Variants in GLIS3 observed in about 807,000 individuals in gnomAD.
The protein encoded by GLIS3 is GLIS family zinc finger 3.
GLIS3 carries 53 observed loss-of-function variants against 78.6 expected under a neutral mutation model. The ratio of observed to expected loss-of-function variants is 0.67; its 90% CI spans 0.54 to 0.85. GLIS3 has a LOEUF of 0.85. Among genes scored for constraint, GLIS3 ranks in the 40% least tolerant of loss-of-function variants. The pLI, the probability that GLIS3 is intolerant of heterozygous loss-of-function variation, is 0.00. For missense variants in GLIS3, 1,703 were observed against 1,231.1 expected (o/e 1.38, Z -5.74); for synonymous variants, 684 against 509.9 (o/e 1.34, Z -4.60).
chr9:3,903,117 CT>C (rs1190730573), intron 6 of GLIS3, among the ~76,000 whole-genome samples: 1 of 152,140 alleles, frequency 6.6e-6, no homozygotes, highest in Admixed American at 6.6e-5. Context: ...ACATCTGGAC[CT>C]TAAAAGTTTA....
At chr9:3,996,481 T>C (rs905404585) in intron 4 of GLIS3, among the ~76,000 whole-genome samples, 3 of 152,208 alleles carry the variant, frequency 2.0e-5, no homozygotes, top group Non-Finnish European at 4.4e-5. Flanking sequence ...AAGGTAAAGA[T>C]ACTGATTAAC....
At chr9:4,416,273 A>T in the GLIS3 span, among the ~76,000 whole-genome samples, 2 of 149,128 alleles carry the variant, frequency 1.3e-5, no homozygotes, top group African/African-American at 4.9e-5. Context: ...AAAAAAAAAA[A>T]AAAAAAGCAT....
the GLIS3 span, among the ~76,000 whole-genome samples, chr9:4,382,039 T>C: frequency 1.3e-5 from 2 of 152,218 alleles, no homozygotes; most frequent in African/African-American, 4.8e-5. Context: ...TTCCTAAGGC[T>C]GGTAGCCGCT....
chr9:4,054,249 C>T, intron 4 of GLIS3: 3 of 764,990 alleles, frequency 3.9e-6, no homozygotes, highest in South Asian at 5.9e-5. Flanking sequence ...GAGATCTCAT[C>T]CTTCACGGTC....
chr9:4,235,505 G>A (rs1325165164), intron 2 of GLIS3, among the ~76,000 whole-genome samples: 1 of 152,146 alleles, frequency 6.6e-6, no homozygotes, highest in African/African-American at 2.4e-5. Flanking sequence ...TTCTTGCAGT[G>A]ATTTAGTCCT....
At chr9:3,830,959 T>TA (rs1413496292) in intron 9 of GLIS3, among the ~76,000 whole-genome samples, 1 of 152,180 alleles carries the variant, frequency 6.6e-6, no homozygotes, top group East Asian at 1.9e-4. Flanking sequence ...CTGGGAGGCC[T>TA]ATTCTATGGT....
upstream of GLIS3, among the ~76,000 whole-genome samples, chr9:4,303,012 G>C (rs1817131663): frequency 6.6e-6 from 1 of 152,170 alleles, no homozygotes; most frequent in Non-Finnish European, 1.5e-5. Flanking sequence ...CTCAAAGCTA[G>C]AGTACAAAAT....
rs34499061 is a variant in GLIS3, at chr9:4,096,009, C to CA, written c.1710+21758dup. On this transcript the variant is annotated intron_variant, in intron 4 of 10. Coordinates refer to ENST00000381971, the MANE Select transcript of GLIS3 (RefSeq NM_001042413.2). The stretch of plus-strand genomic sequence containing the variant: ...TTTTCTCTACACCCAGTAACCTATA[C>CA]AAAAAAAAAAAAAAAAAAGTCTCTA... 3.2e-3 allele frequency among the ~76,000 whole-genome samples: 331 copies of CA among 103,508 alleles called. 4 individuals carry two copies. Among genetic ancestry groups the CA allele is most frequent in the East Asian group, 0.013 (43 of 3,324 alleles). 67.9% of individuals were successfully genotyped at this position (103,508 alleles called of 152,430 possible).
At chr9:4,364,756 C>CTTTTTTTTTTTTTTT in the GLIS3 span, among the ~76,000 whole-genome samples, 17 of 61,096 alleles carry the variant, frequency 2.8e-4, 1 homozygote, top group Non-Finnish European at 4.3e-4. Flanking sequence ...TCATGTATTG[C>CTTTTTTTTTTTTTTT]TTTTTTTTTT....
rs899029470 is a variant in GLIS3 at position 4,321,803 on chromosome 9, G to A, written n.265-11275C>T. On this transcript the variant is annotated intron_variant and non_coding_transcript_variant, in intron 2 of 4. Coordinates refer to the GLIS3 transcript ENST00000471664. ...ATCTTACCACAGCCTCCACCTCCCG[G>A]ATTCAAGTGATTCTCATGCCTCACC... Among the ~76,000 whole-genome samples the A allele has an allele frequency of 2.0e-5, 3 of 152,122 alleles. No homozygotes were observed. In the East Asian group the frequency reaches 5.8e-4, roughly 29 times the overall value.
chr9:3,852,306 C>T (rs532004968), intron 9 of GLIS3, among the ~76,000 whole-genome samples: 1 of 152,132 alleles, frequency 6.6e-6, no homozygotes, highest in Non-Finnish European at 1.5e-5. Flanking sequence ...TGACCTCTAC[C>T]TACGGCAGGG....
Position 4,338,023 on chromosome 9 carries a change from G to GGTGT in GLIS3, n.264+9057_264+9058insACAC, listed in dbSNP as rs1563937879. ...ATGTCTAACTGGTAAGATTGGCAAG[G>GGTGT]CTGTGTGTGTGTGTGTGTGTGTGTG... is the stretch of plus-strand genomic sequence containing the variant. On this transcript the variant is annotated intron_variant and non_coding_transcript_variant, in intron 2 of 4. Transcript: ENST00000471664. Among the ~76,000 whole-genome samples, 55 of 115,802 alleles carry GGTGT rather than the reference G, an allele frequency of 4.7e-4. 1 individual carries two copies. Among genetic ancestry groups the GGTGT allele is most frequent in the African/African-American group, 1.8e-3 (52 of 28,906 alleles). The allele number at this position is 115,802 out of a possible 152,430, so 76.0% of individuals were successfully genotyped here.
At chr9:4,208,570 C>G (rs535926883) in intron 2 of GLIS3, among the ~76,000 whole-genome samples, 1 of 152,264 alleles carries the variant, frequency 6.6e-6, no homozygotes, top group Admixed American at 6.5e-5. Context: ...TCTGAAGGCC[C>G]GTTTGGGAGA....
At chr9:4,128,669 GA>G (rs1241600215) in intron 2 of GLIS3, among the ~76,000 whole-genome samples, 7 of 152,104 alleles carry the variant, frequency 4.6e-5, no homozygotes, top group Non-Finnish European at 1.0e-4. Context: ...AACTAGATCT[GA>G]ATGGAATATG....
At chr9:3,918,390 A>C (rs1824658599) in intron 6 of GLIS3, among the ~76,000 whole-genome samples, 1 of 152,294 alleles carries the variant, frequency 6.6e-6, no homozygotes, top group South Asian at 2.1e-4. Context: ...AAACCATGAC[A>C]GTGTCTCCCT....
the GLIS3 span, among the ~76,000 whole-genome samples, chr9:4,445,712 G>A: frequency 9.2e-5 from 14 of 152,134 alleles, no homozygotes; most frequent in African/African-American, 3.1e-4. Flanking sequence ...GGGACCAAAC[G>A]ACCTACTCAT....
At chr9:4,341,052 G>T (rs1817827259) in intron 2 of GLIS3, among the ~76,000 whole-genome samples, 1 of 152,196 alleles carries the variant, frequency 6.6e-6, no homozygotes, top group South Asian at 2.1e-4. Context: ...TGGACTGCAA[G>T]TCTTTCTTCC....
At chr9:3,925,444 G>GA (rs767031201) in intron 6 of GLIS3, among the ~76,000 whole-genome samples, 5 of 151,956 alleles carry the variant, frequency 3.3e-5, no homozygotes, top group Non-Finnish European at 5.9e-5. Flanking sequence ...ATGCTGATGA[G>GA]AAAAAAAATC....
At chr9:4,159,068 T>C (rs891181524) in intron 2 of GLIS3, among the ~76,000 whole-genome samples, 18 of 145,816 alleles carry the variant, frequency 1.2e-4, no homozygotes, top group African/African-American at 4.7e-4. Context: ...AGCTGCAATG[T>C]ACTCGGCAAG....
Sources: gnomAD v4.1 joint callset for allele counts (sites outside exome capture counted in the v4.1 genomes callset) on GRCh38, gnomAD v4.1.1 for gene constraint, MANE v1.5 for transcripts, NCBI Gene and HGNC (gene_info 2026-07-23, HGNC 2026-07-21) for gene names.